IGSF21: variants seen among roughly 807,000 people sequenced by gnomAD.
The protein encoded by IGSF21 is immunoglobin superfamily member 21.
A neutral mutation model predicts 46.8 loss-of-function variants in IGSF21; 28 were observed. The ratio of observed to expected loss-of-function variants is 0.60; its 90% CI spans 0.44 to 0.82. IGSF21 has a LOEUF of 0.82. Ranked by LOEUF, IGSF21 falls within the 40% of genes least tolerant of loss-of-function variation. The pLI is 0.00. For missense variants in IGSF21, 624 were observed against 665.5 expected, an observed-to-expected ratio of 0.94 and a Z score of 0.69; for synonymous variants, 284 against 273.6, an observed-to-expected ratio of 1.04 and a Z score of -0.38.
intron 3 of IGSF21, among the ~76,000 whole-genome samples, chr1:18,308,684 C>T (rs1396409388): frequency 6.6e-6 from 1 of 152,154 alleles, no homozygotes; most frequent in African/African-American, 2.4e-5. Context: ...GCCCGGGCTT[C>T]CTCCACTTCT....
chr1:18,164,339 C>T (rs2086657367), intron 1 of IGSF21, among the ~76,000 whole-genome samples: 1 of 151,862 alleles, frequency 6.6e-6, no homozygotes, highest in Non-Finnish European at 1.5e-5. Context: ...TTCTGACCCC[C>T]TTCTTTCCTT....
intron 2 of IGSF21, among the ~76,000 whole-genome samples, chr1:18,271,191 C>T (rs972057383): frequency 2.6e-5 from 4 of 152,114 alleles, no homozygotes; most frequent in African/African-American, 9.7e-5. Context: ...GGAGAGCTCA[C>T]CACCCACCGT....
intron 3 of IGSF21, among the ~76,000 whole-genome samples, chr1:18,317,705 C>T (rs901247459): frequency 6.6e-6 from 1 of 152,180 alleles, no homozygotes; most frequent in African/African-American, 2.4e-5. Context: ...CAAAAGACAG[C>T]AGAGGAGAGC....
At chr1:18,257,859 C>T (rs1186977873) in intron 2 of IGSF21, among the ~76,000 whole-genome samples, 3 of 152,174 alleles carry the variant, frequency 2.0e-5, no homozygotes, top group Admixed American at 2.0e-4. Flanking sequence ...ACATGGGAAA[C>T]TTCTCCCTCC....
chr1:18,162,665 C>A (rs1453538226), intron 1 of IGSF21, among the ~76,000 whole-genome samples: 1 of 152,192 alleles, frequency 6.6e-6, no homozygotes, highest in Non-Finnish European at 1.5e-5. Context: ...AGGATATTTT[C>A]AACTTAAGAT....
chr1:18,164,891 C>A (rs1455601887), intron 1 of IGSF21, among the ~76,000 whole-genome samples: 1 of 102,882 alleles, frequency 9.7e-6, no homozygotes, highest in Non-Finnish European at 1.8e-5. Context: ...CCCCTCCCCC[C>A]ACCCCACAAC....
At chr1:18,341,082 C>CTTCTTCTTCTT (rs1557651938) in intron 4 of IGSF21, among the ~76,000 whole-genome samples, 1 of 98,680 alleles carries the variant, frequency 1.0e-5, no homozygotes, top group African/African-American at 4.3e-5. Flanking sequence ...TTCTTCTCCT[C>CTTCTTCTTCTT]CTCCTCCTCC....
intron 6 of IGSF21, among the ~76,000 whole-genome samples, chr1:18,366,144 A>G (rs2086162757): frequency 1.3e-5 from 2 of 152,158 alleles, no homozygotes; most frequent in African/African-American, 4.8e-5. Flanking sequence ...GGTCAGCAAC[A>G]TGAGAGGTCA....
chr1:18,169,215 A>G (rs1019636708), intron 1 of IGSF21, among the ~76,000 whole-genome samples: 1 of 152,206 alleles, frequency 6.6e-6, no homozygotes, highest in Non-Finnish European at 1.5e-5. Flanking sequence ...TCAGATCCCC[A>G]CCAGCTGGAT....
At chr1:18,254,933 C>T (rs1463013829) in intron 2 of IGSF21, among the ~76,000 whole-genome samples, 1 of 152,198 alleles carries the variant, frequency 6.6e-6, no homozygotes, top group Non-Finnish European at 1.5e-5. Flanking sequence ...TGACGTTGTC[C>T]TTCTTACACT....
Position 18,290,591 on chromosome 1 carries a change from C to T in IGSF21, c.184-1275C>T, listed in dbSNP as rs1385224058. Among the ~76,000 whole-genome samples the T allele has an allele frequency of 6.6e-6, 1 of 152,164 alleles. No individual in the cohort carries two copies. Among genetic ancestry groups the T allele is most frequent in the Non-Finnish European group, 1.5e-5 (1 of 68,020 alleles). On this transcript the variant is annotated intron_variant, in intron 2 of 9. Coordinates refer to ENST00000251296, the MANE Select transcript of IGSF21 (RefSeq NM_032880.5). The surrounding 1 kb of genome is among the most constrained non-coding windows in gnomAD (Gnocchi z 4.2). ...AGCTGGTTGCTCAACCAGTGCTGGC[C>T]AGATGCACGGAGTCTCTCCTAAACC...
chr1:18,257,479 C>CT (rs2084902829), intron 2 of IGSF21, among the ~76,000 whole-genome samples: 1 of 152,150 alleles, frequency 6.6e-6, no homozygotes, highest in African/African-American at 2.4e-5. Flanking sequence ...TGTATAGGTA[C>CT]TTTCCCCATG....
intron 4 of IGSF21, among the ~76,000 whole-genome samples, chr1:18,340,718 GA>G (rs149022730): frequency 0.015 from 2,250 of 152,236 alleles, 56 homozygotes; most frequent in African/African-American, 0.05. Context: ...CCATGCAAGG[GA>G]AAAATCCTTC....
At position 18,151,088 on chromosome 1, in the gene IGSF21, G is replaced by A. The variant is rs76532893; in HGVS notation, c.70+42890G>A. The stretch of plus-strand genomic sequence containing the variant: ...CTGATGAATCACAGAATACCTGAGC[G>A]TCCCAGGGCCTCTACCCAGGCTGTA... On this transcript the variant is annotated intron_variant, in intron 1 of 9. Coordinates refer to ENST00000251296, the MANE Select transcript of IGSF21 (RefSeq NM_032880.5). Among the ~76,000 whole-genome samples the A allele has an allele frequency of 7.5e-3, 1,147 of 152,276 alleles. 10 individuals are homozygous for A. The highest frequency in any genetic ancestry group is 0.012 in the Non-Finnish European group (792 of 68,034).
In IGSF21 at chr1:18,188,002, C is replaced by A. The variant is rs571859282; in HGVS notation, c.71-39896C>A. Among the ~76,000 whole-genome samples, 13 of 152,146 alleles carry A rather than the reference C, an allele frequency of 8.5e-5. 1 individual carries two copies. In the South Asian group the frequency reaches 1.0e-3, roughly 12 times the overall value. ...GCTTGAACATTGAATCTGGAGGTCC[C>A]CCCTAGATTTTGGAGGAACCCTGTG... On this transcript the variant is annotated intron_variant, in intron 1 of 9. Coordinates refer to ENST00000251296, the MANE Select transcript of IGSF21 (RefSeq NM_032880.5).
At chr1:18,157,996 C>T (rs577363285) in intron 1 of IGSF21, among the ~76,000 whole-genome samples, 1 of 152,304 alleles carries the variant, frequency 6.6e-6, no homozygotes, top group South Asian at 2.1e-4. Context: ...CGTGCATCTC[C>T]TCCATTACAC....
At chr1:18,348,798 A>C (rs1457429314) in intron 4 of IGSF21, among the ~76,000 whole-genome samples, 2 of 152,170 alleles carry the variant, frequency 1.3e-5, no homozygotes, top group Non-Finnish European at 2.9e-5. Flanking sequence ...GGCCAAGATC[A>C]CACTGCAAGT....
chr1:18,196,373 C>A (rs946634022), intron 1 of IGSF21, among the ~76,000 whole-genome samples: 2 of 152,078 alleles, frequency 1.3e-5, no homozygotes, highest in Admixed American at 1.3e-4. Flanking sequence ...GACCTAATGG[C>A]AGGGAGGAGA....
At position 18,367,603 on chromosome 1, in the gene IGSF21, C is replaced by CTTTTTTTTTTTTTTTTTTT. The variant is rs35019096; in HGVS notation, c.1015+1910_1015+1928dup. On this transcript the variant is annotated intron_variant, in intron 6 of 9. Transcript: ENST00000251296. ...GACCTTTGATATTCTCTCTCTCTCT[C>CTTTTTTTTTTTTTTTTTTT]TTTTTTTTTTTTTTTTTTTTTTGAC... 2.0e-4 allele frequency among the ~76,000 whole-genome samples: 15 copies of CTTTTTTTTTTTTTTTTTTT among 73,964 alleles called. 3 individuals are homozygous for CTTTTTTTTTTTTTTTTTTT. Among genetic ancestry groups the CTTTTTTTTTTTTTTTTTTT allele is most frequent in the Middle Eastern group, 0.011 (1 of 90 alleles). The allele number at this position is 73,964 out of a possible 152,430, so 48.5% of individuals were successfully genotyped here. A position where few individuals can be genotyped will look rare whatever the true frequency, so the allele number is the denominator to read the frequency against.
Sources: gnomAD v4.1 joint callset for allele counts (sites outside exome capture counted in the v4.1 genomes callset) on GRCh38, gnomAD v4.1.1 for gene constraint, Gnocchi (gnomAD v3.1) non-coding constraint, MANE v1.5 for transcripts, NCBI Gene and HGNC (gene_info 2026-07-23, HGNC 2026-07-21) for gene names.